Variants in DLGAP2 observed in about 807,000 individuals in gnomAD.
DLGAP2 encodes disks large-associated protein 2.
In DLGAP2, 26 loss-of-function variants were observed where a neutral mutation model predicts 100.3. That is an observed-to-expected ratio of 0.26 (90% CI 0.19 to 0.36). The LOEUF (loss-of-function observed/expected upper bound fraction) is 0.36, where lower values mean the gene tolerates loss of function less well. Among genes scored for constraint, DLGAP2 ranks in the 10% least tolerant of loss-of-function variants. The probability of loss-of-function intolerance (pLI) is 1.00; values close to 1 mark genes in which losing one functional copy is unlikely to be tolerated. For missense variants in DLGAP2, 1,858 were observed against 1,453.2 expected, an observed-to-expected ratio of 1.28 and a Z score of -4.53; for synonymous variants, 886 against 630.1, an observed-to-expected ratio of 1.41 and a Z score of -6.08.
intron 3 of DLGAP2, among the ~76,000 whole-genome samples, chr8:1,452,747 G>C (rs912831969): frequency 4.6e-5 from 7 of 152,176 alleles, no homozygotes; most frequent in African/African-American, 7.2e-5. Context: ...GGCTGGGTCA[G>C]TGGTTCTCCA....
At chr8:1,650,772 G>T (rs59514890) in intron 8 of DLGAP2, among the ~76,000 whole-genome samples, 1 of 111,860 alleles carries the variant, frequency 8.9e-6, no homozygotes, top group Non-Finnish European at 1.8e-5. Flanking sequence ...AGCTTGGGTG[G>T]CAGTTGCTGG....
chr8:1,324,528 A>G (rs189948526), intron 3 of DLGAP2, among the ~76,000 whole-genome samples: 2 of 152,286 alleles, frequency 1.3e-5, no homozygotes, highest in East Asian at 3.9e-4. Flanking sequence ...ACCCATTAAC[A>G]CATTGCTCAG....
chr8:1,614,223 G>C (rs994293576), intron 6 of DLGAP2, among the ~76,000 whole-genome samples: 5 of 152,176 alleles, frequency 3.3e-5, no homozygotes, highest in Non-Finnish European at 7.3e-5. Flanking sequence ...ACTCTTCACA[G>C]GCAGAAAAAA....
At chr8:1,185,943 A>G (rs1037340329) in intron 2 of DLGAP2, among the ~76,000 whole-genome samples, 1 of 152,120 alleles carries the variant, frequency 6.6e-6, no homozygotes, top group South Asian at 2.1e-4. Context: ...TCGGAGTTCC[A>G]TGATCTCGGG....
intron 2 of DLGAP2, among the ~76,000 whole-genome samples, chr8:966,956 C>T (rs546352470): frequency 1.3e-5 from 2 of 152,352 alleles, no homozygotes; most frequent in African/African-American, 4.8e-5. Context: ...ATCTACTGGC[C>T]ATTGATGTGT....
At chr8:744,832 A>G (rs913089596) in intron 1 of DLGAP2, among the ~76,000 whole-genome samples, 4 of 152,062 alleles carry the variant, frequency 2.6e-5, no homozygotes, top group Non-Finnish European at 4.4e-5. Flanking sequence ...TCTCAAACCT[A>G]GTTGGAATGC....
chr8:1,082,393 G>T (rs1803841820), intron 2 of DLGAP2, among the ~76,000 whole-genome samples: 1 of 152,012 alleles, frequency 6.6e-6, no homozygotes, highest in Admixed American at 6.6e-5. Flanking sequence ...TCAAAATATT[G>T]TCTGGATCTA....
intron 3 of DLGAP2, among the ~76,000 whole-genome samples, chr8:1,374,384 C>T (rs939592134): frequency 6.6e-6 from 1 of 151,908 alleles, no homozygotes; most frequent in African/African-American, 2.4e-5. Context: ...AGGGAGGCAG[C>T]TCCCTGATTA....
chr8:1,207,156 G>C (rs916601966), intron 2 of DLGAP2, among the ~76,000 whole-genome samples: 1 of 152,192 alleles, frequency 6.6e-6, no homozygotes, highest in African/African-American at 2.4e-5. Context: ...AAGTGACTGA[G>C]TGGTGATTTC....
chr8:1,434,840 C>T (rs543390995), intron 3 of DLGAP2, among the ~76,000 whole-genome samples: 1 of 152,250 alleles, frequency 6.6e-6, no homozygotes, highest in Non-Finnish European at 1.5e-5. Context: ...ATCGTTCCTT[C>T]CTCCTCCCTT....
rs1279818058 is a variant in DLGAP2, at chr8:1,053,978, GAAAT to G, written c.73+146013_73+146016del. On this transcript the variant is annotated intron_variant, in intron 2 of 14. Transcript: ENST00000637795. ...TTTTATTTGGGTCTTTTTGTGTAAA[GAAAT>G]CTGTGGTTAGCAGTACAACAAATGT... Among the ~76,000 whole-genome samples the G allele has an allele frequency of 2.0e-5, 3 of 152,192 alleles. No homozygotes were observed. In the East Asian group the frequency reaches 5.8e-4, roughly 29 times the overall value.
At chr8:1,500,886 A>G (rs989967279) in intron 3 of DLGAP2, among the ~76,000 whole-genome samples, 4 of 152,256 alleles carry the variant, frequency 2.6e-5, no homozygotes, top group Non-Finnish European at 5.9e-5. Flanking sequence ...AAGATCACAA[A>G]TGCAGGCTTT....
At chr8:1,143,150 G>T (rs925394748) in intron 2 of DLGAP2, among the ~76,000 whole-genome samples, 1 of 152,146 alleles carries the variant, frequency 6.6e-6, no homozygotes, top group Non-Finnish European at 1.5e-5. Context: ...TAAATTGGGG[G>T]AAACAGTCTC....
chr8:1,076,311 C>G (rs57012019), intron 2 of DLGAP2, among the ~76,000 whole-genome samples: 1 of 152,220 alleles, frequency 6.6e-6, no homozygotes, highest in Non-Finnish European at 1.5e-5. Flanking sequence ...GCAGCTCACA[C>G]GGCACTGACA....
At chr8:858,115 C>T (rs1457370714) in intron 1 of DLGAP2, among the ~76,000 whole-genome samples, 11 of 152,172 alleles carry the variant, frequency 7.2e-5, no homozygotes, top group Admixed American at 7.2e-4. Context: ...CCTTGGCCCT[C>T]CAGAGTGTCG....
At chr8:1,453,599 G>T (rs947437785) in intron 3 of DLGAP2, among the ~76,000 whole-genome samples, 1 of 152,086 alleles carries the variant, frequency 6.6e-6, no homozygotes, top group Non-Finnish European at 1.5e-5. Flanking sequence ...CTTACAGAAC[G>T]TCTCTTGGGG....
chr8:1,198,733 C>T (rs1024077018), intron 2 of DLGAP2, among the ~76,000 whole-genome samples: 3 of 152,210 alleles, frequency 2.0e-5, no homozygotes, highest in Admixed American at 6.5e-5. Context: ...CCTGGGTGTG[C>T]GGGAAGGTGT....
At chr8:1,231,329 G>A (rs558625136) in intron 2 of DLGAP2, among the ~76,000 whole-genome samples, 33 of 152,202 alleles carry the variant, frequency 2.2e-4, no homozygotes, top group Middle Eastern at 3.4e-3. Context: ...TTAAAAAGTC[G>A]AAAAACAACA....
chr8:1,504,525 A>T (rs180765215), intron 4 of DLGAP2, among the ~76,000 whole-genome samples: 80 of 152,224 alleles, frequency 5.3e-4, no homozygotes, highest in Non-Finnish European at 3.2e-4. Context: ...GAAATGCTGC[A>T]CCCTTCCGCC....
Sources: gnomAD v4.1 joint callset for allele counts (sites outside exome capture counted in the v4.1 genomes callset) on GRCh38, gnomAD v4.1.1 for gene constraint, MANE v1.5 for transcripts, NCBI Gene and HGNC (gene_info 2026-07-23, HGNC 2026-07-21) for gene names.